Variants in RNF6 observed in about 807,000 individuals in gnomAD.
The protein encoded by RNF6 is ring finger protein 6, also known as E3 ubiquitin-protein ligase RNF6.
In RNF6, 21 loss-of-function variants were observed where a neutral mutation model predicts 50.1. The ratio of observed to expected loss-of-function variants is 0.42; its 90% CI spans 0.30 to 0.60. The LOEUF (loss-of-function observed/expected upper bound fraction) is 0.60, where lower values mean the gene tolerates loss of function less well. Ranked by LOEUF, RNF6 falls within the 20% of genes least tolerant of loss-of-function variation. The pLI, the probability that RNF6 is intolerant of heterozygous loss-of-function variation, is 0.20. For missense variants in RNF6, 698 were observed against 838.2 expected, an observed-to-expected ratio of 0.83 and a Z score of 2.07; for synonymous variants, 255 against 291.8, an observed-to-expected ratio of 0.87 and a Z score of 1.29.
rs777310059 is a variant in RNF6 at position 26,214,488 on chromosome 13, C to A, written c.1394G>T (p.Arg465Leu). 1.9e-6 allele frequency: 3 copies of A among 1,614,154 alleles called. No homozygotes were observed. Among genetic ancestry groups the A allele is most frequent in the Non-Finnish European group, 2.5e-6 (3 of 1,180,044 alleles). The change falls in exon 5 of 5, where the codon CGT becomes CTT. Residue 465 changes from arginine (R) to leucine (L), a missense_variant. Physicochemically the swap from Arg to Leu is moderately radical, Grantham distance 102. Transcript: ENST00000381588. Reference protein sequence around the residue: ...TYVSTITVPLRRISENELVEP... With the variant: ...TYVSTITVPLLRISENELVEP... The stretch of plus-strand genomic sequence containing the variant: ...AACAAGCTCATTCTCAGAAATCCTA[C>A]GAAGAGGAACTGTTATGGTACTAAC...
intron 5 of RNF6, among the ~76,000 whole-genome samples, chr13:26,163,237 G>C (rs964624987): frequency 6.6e-6 from 1 of 152,046 alleles, no homozygotes; most frequent in South Asian, 2.1e-4. Flanking sequence ...GCGTGAACCC[G>C]GGAGGCGGAG....
chr13:26,202,644 A>G (rs964317176), intron 5 of RNF6, among the ~76,000 whole-genome samples: 3 of 152,230 alleles, frequency 2.0e-5, no homozygotes, highest in African/African-American at 7.2e-5. Context: ...AAAATACAAA[A>G]CAAAATGAAA....
chr13:26,188,779 G>A (rs1487163779), intron 5 of RNF6, among the ~76,000 whole-genome samples: 1 of 151,684 alleles, frequency 6.6e-6, no homozygotes, highest in African/African-American at 2.4e-5. Flanking sequence ...ACAGGCACAT[G>A]CCACCATGCC....
At chr13:26,168,467 T>G (rs74040380) in intron 5 of RNF6, among the ~76,000 whole-genome samples, 1,778 of 152,354 alleles carry the variant, frequency 0.012, 34 homozygotes, top group African/African-American at 0.041. Flanking sequence ...GTGTCGTTTT[T>G]GGGCAGGGGT....
In RNF6 at chr13:26,214,173, T is replaced by C. The variant is rs1869562352; in HGVS notation, c.1709A>G (p.Gln570Arg). 2 of 1,614,138 alleles carry C rather than the reference T, an allele frequency of 1.2e-6. No individual in the cohort carries two copies. The highest frequency in any genetic ancestry group is 1.7e-5 in the Admixed American group (1 of 60,004). ...AACTAAATTGTTTGGATTTCGCAAC[T>C]GCCTGCCACCCCTACTGTCACTGTT... ...TRNSDSRGGRQLRNPNNLVET... is the reference protein window; with the variant it reads ...TRNSDSRGGRRLRNPNNLVET... The change falls in exon 5 of 5, where the codon CAG becomes CGG. Residue 570 changes from glutamine to arginine, a missense_variant. By Grantham distance (43) the Gln-to-Arg change is conservative. Transcript: ENST00000381588.
downstream of RNF6, among the ~76,000 whole-genome samples, chr13:26,209,316 A>T (rs1869224913): frequency 6.6e-6 from 1 of 152,182 alleles, no homozygotes; most frequent in Non-Finnish European, 1.5e-5. Context: ...TTTATTCTAC[A>T]TCCAGAGAAG....
At chr13:26,132,400 T>C (rs779677656) in exon 6 of RNF6, 2 of 458,264 alleles carry the variant, frequency 4.4e-6, no homozygotes, top group Admixed American at 2.3e-5. Flanking sequence ...TTTTTCCAGA[T>C]AGACTTAACA....
At position 26,222,010 on chromosome 13, in the gene RNF6, G is replaced by C. The variant is rs945217737; in HGVS notation, c.-109C>G. 6 of 152,316 alleles carry C rather than the reference G, an allele frequency of 3.9e-5. No homozygotes were observed. Among genetic ancestry groups the C allele is most frequent in the Non-Finnish European group, 7.3e-5 (5 of 68,104 alleles). The allele number at this position is 152,316 out of a possible 1,614,324, so 9.4% of individuals were successfully genotyped here. A position where few individuals can be genotyped will look rare whatever the true frequency, so the allele number is the denominator to read the frequency against. Reference sequence around the variant, plus strand: ...TCTTTCCCTCGAGCCCACCTCTCCAGGTCTTGGGCCTTCGCCCTCCTGTCC... The same window carrying C: ...TCTTTCCCTCGAGCCCACCTCTCCACGTCTTGGGCCTTCGCCCTCCTGTCC... On this transcript the variant is annotated 5_prime_UTR_variant, in exon 1 of 5. Transcript: ENST00000381588.
chr13:26,136,852 A>G (rs1593139210), intron 5 of RNF6, among the ~76,000 whole-genome samples: 1 of 152,178 alleles, frequency 6.6e-6, no homozygotes, highest in African/African-American at 2.4e-5. Flanking sequence ...AGTCATCAGA[A>G]TCAACTTTTT....
intron 5 of RNF6, among the ~76,000 whole-genome samples, chr13:26,203,130 T>A (rs1286860250): frequency 6.6e-6 from 1 of 152,238 alleles, no homozygotes; most frequent in Non-Finnish European, 1.5e-5. Context: ...CACCAAAGTC[T>A]GTGTACCTAA....
At chr13:26,186,822 G>T (rs1327941671) in intron 5 of RNF6, among the ~76,000 whole-genome samples, 1 of 151,558 alleles carries the variant, frequency 6.6e-6, no homozygotes. Context: ...CTGTCGCCCA[G>T]GCTGGAGTGT....
intron 5 of RNF6, among the ~76,000 whole-genome samples, chr13:26,158,711 A>T (rs1171429766): frequency 6.6e-6 from 1 of 152,074 alleles, no homozygotes; most frequent in East Asian, 1.9e-4. Flanking sequence ...CAGTAGGTGA[A>T]TGTCTGTGTG....
Position 26,214,437 on chromosome 13 carries a change from G to T in RNF6, c.1445C>A (p.Ser482Ter). Residue 482 changes from serine to a stop codon, truncating the protein, a stop_gained, in exon 5 of 5, where the codon TCA (serine) becomes TAA (stop). Transcript: ENST00000381588. LOFTEE classifies it high-confidence loss of function. ...CCCAGTCATGATCTGCCTTAAAATT[G>T]ACCGAAGAGCCACTGATGATGGCTC... The part of the protein sequence containing the change: ...LVEPSSVALR[S>*]ILRQIMTGFG... The T allele has an allele frequency of 6.2e-7, 1 of 1,614,088 alleles. No homozygotes were observed. Among genetic ancestry groups the T allele is most frequent in the South Asian group, 1.1e-5 (1 of 91,052 alleles).
chr13:26,159,603 C>T (rs936643732), intron 5 of RNF6, among the ~76,000 whole-genome samples: 7 of 151,130 alleles, frequency 4.6e-5, no homozygotes, highest in Admixed American at 2.0e-4. Flanking sequence ...CCAGCCTGGG[C>T]GACAGTGTGA....
In RNF6 at chr13:26,215,161, C is replaced by G; in HGVS notation, c.721G>C (p.Gly241Arg). The G allele has an allele frequency of 1.2e-6, 2 of 1,614,196 alleles. No individual in the cohort carries two copies. The highest frequency in any genetic ancestry group is 1.7e-6 in the Non-Finnish European group (2 of 1,180,032). The change falls in exon 5 of 5, where the codon GGA becomes CGA. Residue 241 changes from glycine (G) to arginine (R), a missense_variant. Physicochemically the swap from Gly to Arg is moderately radical, Grantham distance 125. Transcript: ENST00000381588. Reference protein sequence around the residue: ...TLGRLRNGIGGAAGIPRANAS... With the variant: ...TLGRLRNGIGRAAGIPRANAS... Reference sequence around the variant, plus strand: ...TTAGCTCGAGGAATGCCAGCTGCTCCCCCAATTCCATTTCTTAACCTTCCC... The same window carrying G: ...TTAGCTCGAGGAATGCCAGCTGCTCGCCCAATTCCATTTCTTAACCTTCCC...
chr13:26,191,927 G>T (rs1465240034), intron 5 of RNF6, among the ~76,000 whole-genome samples: 1 of 152,218 alleles, frequency 6.6e-6, no homozygotes, highest in East Asian at 1.9e-4. Flanking sequence ...ATGAGGTGAA[G>T]AAGTTGGCCA....
At chr13:26,187,057 A>G (rs540419079) in intron 5 of RNF6, among the ~76,000 whole-genome samples, 3 of 151,888 alleles carry the variant, frequency 2.0e-5, no homozygotes, top group Admixed American at 1.3e-4. Flanking sequence ...GATTACAGGC[A>G]TGAGCCACCG....
intron 5 of RNF6, among the ~76,000 whole-genome samples, chr13:26,153,295 C>T (rs569472227): frequency 5.1e-4 from 77 of 152,138 alleles, no homozygotes; most frequent in African/African-American, 1.7e-3. Flanking sequence ...CTCACTATAA[C>T]CTCCCTTCTC....
chr13:26,159,822 A>C (rs1178573064), intron 5 of RNF6, among the ~76,000 whole-genome samples: 2 of 152,162 alleles, frequency 1.3e-5, no homozygotes, highest in African/African-American at 2.4e-5. Flanking sequence ...AGAAAATCCA[A>C]ATACAATAAC....
Sources: gnomAD v4.1 joint callset for allele counts (sites outside exome capture counted in the v4.1 genomes callset) on GRCh38, gnomAD v4.1.1 for gene constraint, MANE v1.5 for transcripts, NCBI Gene and HGNC (gene_info 2026-07-23, HGNC 2026-07-21) for gene names.